Variants in DLGAP1 observed in about 807,000 individuals in gnomAD.
The protein encoded by DLGAP1 is disks large-associated protein 1.
A neutral mutation model predicts 90.8 loss-of-function variants in DLGAP1; 11 were observed. The ratio of observed to expected loss-of-function variants is 0.12; its 90% CI spans 0.08 to 0.20. The LOEUF is 0.20. DLGAP1 is among the 10% of genes least tolerant of loss of function. The probability of loss-of-function intolerance (pLI) is 1.00; values close to 1 mark genes in which losing one functional copy is unlikely to be tolerated. For synonymous variants in DLGAP1, 558 were observed against 540.7 expected (o/e 1.03, Z -0.44); for missense variants, 1,050 against 1,333.8 (o/e 0.79, Z 3.31).
chr18:4,082,754 G>GTTGTGAAATTCAGGCAAGTACA (rs1313495123), intron 2 of DLGAP1, among the ~76,000 whole-genome samples: 7 of 76,702 alleles, frequency 9.1e-5, no homozygotes, highest in Admixed American at 4.2e-4. Context: ...GGTTAAGTAA[G>GTTGTGAAATTCAGGCAAGTACA]TTGTGAAATT....
intron 3 of DLGAP1, among the ~76,000 whole-genome samples, chr18:3,956,840 T>C (rs1311001265): frequency 5.9e-5 from 9 of 151,992 alleles, no homozygotes; most frequent in African/African-American, 2.2e-4. Context: ...TTTGTAGAGA[T>C]GGGGTCTTAC....
At chr18:4,032,794 T>A (rs146519588) in intron 2 of DLGAP1, among the ~76,000 whole-genome samples, 1 of 152,316 alleles carries the variant, frequency 6.6e-6, no homozygotes, top group Non-Finnish European at 1.5e-5. Context: ...GTTTAAATTA[T>A]CTTAAGGATT....
chr18:3,813,732 T>C (rs2066952551), intron 5 of DLGAP1, among the ~76,000 whole-genome samples: 2 of 152,074 alleles, frequency 1.3e-5, no homozygotes, highest in African/African-American at 2.4e-5. Flanking sequence ...TTGGGATACA[T>C]GTATATTCTC....
Position 3,879,254 on chromosome 18 carries a change from G to A in DLGAP1, c.815C>T (p.Pro272Leu), listed in dbSNP as rs762517818. ...GGACCAGGCGCTCTTCTTCAGCAGC[G>A]GGGTGTCCAGGCTGACCGGCAGGTT... ...CANLPVSLDTPLLKKSAWSST... is the reference protein window; with the variant it reads ...CANLPVSLDTLLLKKSAWSST... Residue 272 changes from proline to leucine, a missense_variant, in exon 4 of 13, where the codon CCG becomes CTG. Pro to Leu is a moderately conservative substitution (Grantham distance 98). Transcript: ENST00000315677. The surrounding 1 kb of genome is among the most constrained non-coding windows in gnomAD (Gnocchi z 6.6). The A allele has an allele frequency of 6.3e-7, 1 of 1,598,596 alleles. No individual in the cohort carries two copies. Among genetic ancestry groups the A allele is most frequent in the Non-Finnish European group, 8.5e-7 (1 of 1,172,166 alleles).
rs34353326 is a variant in DLGAP1, at chr18:3,920,352, C to CAAA, written c.-72-40215_-72-40213dup. ...TTCAGCGACTGAGGGAGACTCTGTC[C>CAAA]AAAAAAAAAAAAAAAAAAAAAGCAC... is the stretch of plus-strand genomic sequence containing the variant. On this transcript the variant is annotated intron_variant, in intron 3 of 12. Coordinates refer to ENST00000315677, the MANE Select transcript of DLGAP1 (RefSeq NM_004746.4). Among the ~76,000 whole-genome samples the CAAA allele has an allele frequency of 7.7e-3, 579 of 74,954 alleles. 6 individuals are homozygous for CAAA. Among genetic ancestry groups the CAAA allele is most frequent in the South Asian group, 0.017 (30 of 1,778 alleles). The allele number at this position is 74,954 out of a possible 152,430, so 49.2% of individuals were successfully genotyped here.
intron 1 of DLGAP1, among the ~76,000 whole-genome samples, chr18:4,392,488 G>A (rs918959941): frequency 2.0e-5 from 3 of 151,462 alleles, no homozygotes; most frequent in Non-Finnish European, 4.4e-5. Flanking sequence ...GATGCTCCAA[G>A]AAAAAAAAGG....
At chr18:3,644,761 T>A (rs1443659027) in intron 7 of DLGAP1, among the ~76,000 whole-genome samples, 1 of 152,142 alleles carries the variant, frequency 6.6e-6, no homozygotes, top group Non-Finnish European at 1.5e-5. Context: ...ATATTGGGAC[T>A]AATTAAATGT....
chr18:3,747,452 T>C (rs1025615211), intron 5 of DLGAP1, among the ~76,000 whole-genome samples: 1 of 152,216 alleles, frequency 6.6e-6, no homozygotes, highest in Non-Finnish European at 1.5e-5. Flanking sequence ...TAACCTAAAG[T>C]TCACTTCTCT....
intron 1 of DLGAP1, among the ~76,000 whole-genome samples, chr18:4,451,929 G>T (rs28758384): frequency 0.017 from 2,647 of 152,282 alleles, 74 homozygotes; most frequent in African/African-American, 0.061. Context: ...TTGGGGAAAC[G>T]TGTTTAGGTT....
At chr18:3,950,087 C>A (rs2072954341) in intron 3 of DLGAP1, among the ~76,000 whole-genome samples, 1 of 152,172 alleles carries the variant, frequency 6.6e-6, no homozygotes, top group Admixed American at 6.5e-5. Context: ...TGTTCAAGAA[C>A]AATCTGATCT....
intron 2 of DLGAP1, among the ~76,000 whole-genome samples, chr18:4,030,784 T>C (rs184540881): frequency 4.4e-4 from 67 of 152,192 alleles, no homozygotes; most frequent in African/African-American, 1.5e-3. Flanking sequence ...TACCTGGGTA[T>C]GGTGGCATGT....
At chr18:3,584,034 A>C (rs1259415791) in intron 7 of DLGAP1, among the ~76,000 whole-genome samples, 1 of 152,164 alleles carries the variant, frequency 6.6e-6, no homozygotes, top group Non-Finnish European at 1.5e-5. Flanking sequence ...GAGGCTCCCG[A>C]CAGCAGCCTC....
At chr18:3,974,112 C>A (rs10083978) in intron 3 of DLGAP1, among the ~76,000 whole-genome samples, 2 of 151,736 alleles carry the variant, frequency 1.3e-5, no homozygotes, top group African/African-American at 2.4e-5. Flanking sequence ...GTCTCACTCC[C>A]TCGCCAGGCT....
At chr18:4,111,181 T>C (rs1408987640) in intron 2 of DLGAP1, among the ~76,000 whole-genome samples, 1 of 152,178 alleles carries the variant, frequency 6.6e-6, no homozygotes, top group Non-Finnish European at 1.5e-5. Flanking sequence ...TCTGAGTTTT[T>C]TTCTGTTGTA....
intron 1 of DLGAP1, among the ~76,000 whole-genome samples, chr18:4,286,055 C>A (rs769655885): frequency 6.6e-6 from 1 of 152,082 alleles, no homozygotes; most frequent in African/African-American, 2.4e-5. Context: ...AGTGTCACTC[C>A]GGCAAACTCA....
chr18:3,564,073 C>T (rs2054298289), intron 9 of DLGAP1, among the ~76,000 whole-genome samples: 2 of 152,264 alleles, frequency 1.3e-5, no homozygotes, highest in South Asian at 4.1e-4. Flanking sequence ...GACTCTGGTT[C>T]TGATGCTTGT....
At chr18:3,975,523 T>A (rs2073553319) in intron 3 of DLGAP1, among the ~76,000 whole-genome samples, 1 of 152,104 alleles carries the variant, frequency 6.6e-6, no homozygotes, top group Non-Finnish European at 1.5e-5. Context: ...TGGTGGTTGT[T>A]AAAAAAATTA....
chr18:4,068,528 G>T (rs761561749), intron 2 of DLGAP1, among the ~76,000 whole-genome samples: 1 of 151,864 alleles, frequency 6.6e-6, no homozygotes, highest in Non-Finnish European at 1.5e-5. Context: ...TAGATGTTTA[G>T]ATTATTTTTG....
chr18:4,143,729 T>C (rs62088900), intron 2 of DLGAP1, among the ~76,000 whole-genome samples: 17,706 of 151,994 alleles, frequency 0.12, 1,089 homozygotes, highest in East Asian at 0.18. Flanking sequence ...TTGGGTCACA[T>C]GTGCATCCAG....
Sources: allele counts gnomAD v4.1 joint callset (sites outside exome capture counted in the v4.1 genomes callset), GRCh38; gene constraint gnomAD v4.1.1; non-coding constraint Gnocchi (gnomAD v3.1); transcripts MANE v1.5; gene names NCBI Gene and HGNC (gene_info 2026-07-23, HGNC 2026-07-21).